Variants in ANKRD55 observed in about 807,000 individuals in gnomAD.
ANKRD55 encodes ankyrin repeat domain 55.
A neutral mutation model predicts 60.6 loss-of-function variants in ANKRD55; 41 were observed. The ratio of observed to expected loss-of-function variants is 0.68; its 90% CI spans 0.53 to 0.88. The LOEUF (loss-of-function observed/expected upper bound fraction) is 0.88. Ranked by LOEUF, ANKRD55 falls within the 40% of genes least tolerant of loss-of-function variation. ANKRD55 has a pLI of 0.00. For synonymous variants in ANKRD55, 264 were observed against 290.3 expected, an observed-to-expected ratio of 0.91 and a Z score of 0.92; for missense variants, 732 against 767.6, an observed-to-expected ratio of 0.95 and a Z score of 0.55.
At chr5:56,164,748 T>G (rs3857292) in intron 5 of ANKRD55, among the ~76,000 whole-genome samples, 27,774 of 152,112 alleles carry the variant, frequency 0.18, 4,863 homozygotes, top group African/African-American at 0.46. Flanking sequence ...AAGAAAAGCC[T>G]TGGGGAGCTG....
chr5:56,198,574 C>A (rs953813903), intron 2 of ANKRD55, among the ~76,000 whole-genome samples: 1 of 151,878 alleles, frequency 6.6e-6, no homozygotes, highest in Non-Finnish European at 1.5e-5. Flanking sequence ...CGTGAGCCAC[C>A]GCGCCTAGCC....
chr5:56,102,134 C>T (rs1250960818), intron 11 of ANKRD55, among the ~76,000 whole-genome samples: 1 of 152,082 alleles, frequency 6.6e-6, no homozygotes, highest in Non-Finnish European at 1.5e-5. Context: ...CGCCTGTAAT[C>T]CTAGCACTTT....
At chr5:56,204,892 A>G (rs1328870203) in intron 2 of ANKRD55, among the ~76,000 whole-genome samples, 1 of 152,176 alleles carries the variant, frequency 6.6e-6, no homozygotes, top group African/African-American at 2.4e-5. Flanking sequence ...ACTTTCCAGG[A>G]ATGGCAGGTG....
chr5:56,212,358 A>ATTTTATCT (rs1216977785), intron 2 of ANKRD55, among the ~76,000 whole-genome samples: 2 of 152,226 alleles, frequency 1.3e-5, no homozygotes, highest in Non-Finnish European at 2.9e-5. Flanking sequence ...ACAGATAAAA[A>ATTTTATCT]GTGCTTATCT....
chr5:56,153,670 T>C (rs1758113419), intron 6 of ANKRD55, among the ~76,000 whole-genome samples: 1 of 151,310 alleles, frequency 6.6e-6, no homozygotes, highest in Admixed American at 6.6e-5. Flanking sequence ...AAACCCTGTC[T>C]CTACTAATAT....
At chr5:56,118,945 C>T (rs1756960037) in intron 8 of ANKRD55, among the ~76,000 whole-genome samples, 1 of 152,170 alleles carries the variant, frequency 6.6e-6, no homozygotes, top group African/African-American at 2.4e-5. Context: ...AGATATGGAG[C>T]AACTGGAACT....
chr5:56,116,660 T>C lies in ANKRD55; in HGVS notation c.920A>G (p.Tyr307Cys). ...NESTPLAYAL[Y>C]CGHTACVKLL... ...TTTGACACACGCCGTGTGACCGCAG[T>C]ACAGGGCATAGGCCAAGGGCGTGCT... The change falls in exon 9 of 12, where the codon TAC (tyrosine) becomes TGC (cysteine). Residue 307 changes from tyrosine to cysteine, a missense_variant. Around this residue, in one of 3 missense-constraint regions of ANKRD55, gnomAD observed 597 missense variants for 607.5 expected, o/e 0.98. Transcript: ENST00000341048. 5 of 1,611,866 alleles carry C rather than the reference T, an allele frequency of 3.1e-6. No individual in the cohort carries two copies. In the South Asian group the frequency reaches 4.4e-5, roughly 14 times the overall value.
At chr5:56,194,897 T>C (rs1421627264) in intron 2 of ANKRD55, among the ~76,000 whole-genome samples, 1 of 152,230 alleles carries the variant, frequency 6.6e-6, no homozygotes. Context: ...TTTCTTTCAT[T>C]CTCATCCTGT....
chr5:56,126,593 G>GAA lies in ANKRD55; in HGVS notation c.797+327_797+328dup, dbSNP rs35804259. Among the ~76,000 whole-genome samples the GAA allele has an allele frequency of 2.9e-3, 431 of 148,586 alleles. 1 individual carries two copies. The highest frequency in any genetic ancestry group is 9.6e-3 in the African/African-American group (391 of 40,660). Reference sequence around the variant, plus strand: ...CTTTATAACATAATCCAAGAATGAAGAAAAAAAAAACAACCAAAACCTACC... The same window carrying GAA: ...CTTTATAACATAATCCAAGAATGAAGAAAAAAAAAAAACAACCAAAACCTACC... On this transcript the variant is annotated intron_variant, in intron 8 of 11. Coordinates refer to ENST00000341048, the MANE Select transcript of ANKRD55 (RefSeq NM_024669.3).
intron 8 of ANKRD55, among the ~76,000 whole-genome samples, chr5:56,125,134 C>T (rs1275774374): frequency 6.6e-6 from 1 of 152,158 alleles, no homozygotes; most frequent in East Asian, 1.9e-4. Context: ...AGTAGATGAA[C>T]TTTCCCTCAG....
At chr5:56,208,578 C>A (rs1177821969) in intron 2 of ANKRD55, among the ~76,000 whole-genome samples, 2 of 152,106 alleles carry the variant, frequency 1.3e-5, no homozygotes, top group African/African-American at 4.8e-5. Flanking sequence ...GCGCCCGCCA[C>A]CATGCCCAGC....
intron 7 of ANKRD55, chr5:56,137,273 G>C: frequency 1.2e-6 from 2 of 1,600,658 alleles, no homozygotes; most frequent in East Asian, 2.2e-5. Context: ...AAAATGCAGA[G>C]AGTAATGCTG....
chr5:56,102,493 C>T lies in ANKRD55; in HGVS notation c.1723+1G>A, dbSNP rs997825082. 70 of 1,600,922 alleles carry T rather than the reference C, an allele frequency of 4.4e-5. No homozygotes were observed. Among genetic ancestry groups the T allele is most frequent in the Middle Eastern group, 1.6e-4 (1 of 6,062 alleles). On this transcript the variant is annotated splice_donor_variant, in intron 11 of 11. Transcript: ENST00000341048. LOFTEE classifies it high-confidence loss of function. ...AGCTGCGGAAGATTCATAATACTTA[C>T]ATTTTTGATCTGGTAGGGGAGCTAG...
chr5:56,166,933 AG>A (rs1245979577), intron 5 of ANKRD55, among the ~76,000 whole-genome samples: 3 of 152,224 alleles, frequency 2.0e-5, no homozygotes, highest in African/African-American at 7.2e-5. Context: ...ACGGAGACCA[AG>A]GGCTTAATGT....
intron 2 of ANKRD55, among the ~76,000 whole-genome samples, chr5:56,225,665 T>C (rs1760093096): frequency 1.3e-5 from 2 of 152,074 alleles, no homozygotes; most frequent in Non-Finnish European, 2.9e-5. Context: ...TGTGCAAAAA[T>C]CACAAGCATT....
chr5:56,101,264 C>T (rs766255602), intron 11 of ANKRD55, among the ~76,000 whole-genome samples: 20 of 152,122 alleles, frequency 1.3e-4, no homozygotes, highest in East Asian at 9.7e-4. Context: ...TTTAGTACTC[C>T]GATAAATCTT....
At chr5:56,110,314 G>C (rs573351300) in intron 10 of ANKRD55, among the ~76,000 whole-genome samples, 1 of 150,378 alleles carries the variant, frequency 6.6e-6, no homozygotes, top group African/African-American at 2.5e-5. Context: ...CAGGGGGATC[G>C]CTTGAACCCA....
chr5:56,132,589 T>TA (rs1183428923), intron 7 of ANKRD55, among the ~76,000 whole-genome samples: 1,375 of 84,634 alleles, frequency 0.016, 27 homozygotes, highest in African/African-American at 0.049. Flanking sequence ...AGACTCTATC[T>TA]AAAAAAAAAA....
chr5:56,111,594 A>C lies in ANKRD55; in HGVS notation c.1154T>G (p.Phe385Cys). The C allele has an allele frequency of 6.2e-7, 1 of 1,601,400 alleles. No homozygotes were observed. Among genetic ancestry groups the C allele is most frequent in the Non-Finnish European group, 8.5e-7 (1 of 1,174,656 alleles). Residue 385 changes from phenylalanine to cysteine, a missense_variant, in exon 10 of 12, where the codon TTT becomes TGT. By Grantham distance (205) the Phe-to-Cys change is radical. This residue lies in a region of ANKRD55 where 597 missense variants were observed against 607.5 expected (regional missense o/e 0.98). Transcript: ENST00000341048. ...GCAGTTGGTACCCACGATGCTATCA[A>C]AGGTGGTGATGATGTCATTGACTTC... ...TSEVNDIITT[F>C]DSIVGTNCQE... is the part of the protein sequence containing the mutation.
Sources: gnomAD v4.1 joint callset for allele counts (sites outside exome capture counted in the v4.1 genomes callset) on GRCh38, gnomAD v4.1.1 for gene constraint, gnomAD v4.1.1 regional missense constraint, MANE v1.5 for transcripts, NCBI Gene and HGNC (gene_info 2026-07-23, HGNC 2026-07-21) for gene names.